POU2F2: variants seen among roughly 807,000 people sequenced by gnomAD.
POU2F2 encodes the protein POU domain, class 2, transcription factor 2.
A neutral mutation model predicts 63.5 loss-of-function variants in POU2F2; 14 were observed. That is an observed-to-expected ratio of 0.22 (90% confidence interval 0.15 to 0.34). The LOEUF is 0.34. POU2F2 is among the 10% of genes least tolerant of loss of function. The probability of loss-of-function intolerance (pLI) is 1.00; values close to 1 mark genes in which losing one functional copy is unlikely to be tolerated. For synonymous variants in POU2F2, 306 were observed against 348.6 expected (o/e 0.88, Z 1.36); for missense variants, 607 against 815.2 (o/e 0.74, Z 3.11).
At chr19:42,194,439 G>C (rs1187646858) in intron 1 of POU2F2, among the ~76,000 whole-genome samples, 2 of 150,596 alleles carry the variant, frequency 1.3e-5, no homozygotes, top group Admixed American at 1.3e-4. Flanking sequence ...AAGTGAGGGA[G>C]AGAGGAAGGA....
At chr19:42,105,926 GA>G (rs767349221) in intron 5 of POU2F2, among the ~76,000 whole-genome samples, 197 of 131,426 alleles carry the variant, frequency 1.5e-3, no homozygotes, top group Middle Eastern at 3.8e-3. Context: ...TTCAGCATCT[GA>G]AAAAAAAAAA....
At chr19:42,131,457 T>C (rs1404075444) in intron 1 of POU2F2, among the ~76,000 whole-genome samples, 1 of 152,092 alleles carries the variant, frequency 6.6e-6, no homozygotes, top group East Asian at 1.9e-4. Context: ...GAAACAGGCA[T>C]GAAGGGCTGA....
chr19:42,154,189 GA>G (rs963378931), intron 2 of POU2F2, among the ~76,000 whole-genome samples: 4 of 151,582 alleles, frequency 2.6e-5, no homozygotes, highest in African/African-American at 7.3e-5. Context: ...TTAGAAACAG[GA>G]AAAAAAGGGG....
chr19:42,140,651 T>G (rs2034109351), intron 2 of POU2F2, among the ~76,000 whole-genome samples: 1 of 152,238 alleles, frequency 6.6e-6, no homozygotes, highest in African/African-American at 2.4e-5. Context: ...TTCCCAGTTT[T>G]ATTTCCTTCA....
At chr19:42,185,550 C>T (rs141804516) in intron 1 of POU2F2, among the ~76,000 whole-genome samples, 1 of 152,336 alleles carries the variant, frequency 6.6e-6, no homozygotes, top group East Asian at 1.9e-4. Context: ...ACCACCACTT[C>T]CTTGAATCTG....
chr19:42,117,410 T>G lies in POU2F2; in HGVS notation c.209A>C (p.His70Pro). 15 of 1,387,186 alleles carry G rather than the reference T, an allele frequency of 1.1e-5. No individual in the cohort carries two copies. Among genetic ancestry groups the G allele is most frequent in the Non-Finnish European group, 1.4e-5 (14 of 1,011,020 alleles). The allele number at this position is 1,387,186 out of a possible 1,614,324, so 85.9% of individuals were successfully genotyped here. The change falls in exon 5 of 15, where the codon CAC (histidine) becomes CCC (proline). Residue 70 changes from histidine (H) to proline (P), a missense_variant. By Grantham distance (77) the His-to-Pro change is moderately conservative (BLOSUM62 -2). Transcript: ENST00000692977. The surrounding 1 kb of genome is among the most constrained non-coding windows in gnomAD (Gnocchi z 4.4). ...STKVGILSGL[H>P]LTFWGPGPCL... ...GGGTCCGGGACCCCAGAATGTTAAGTGGAGGCCAGAGAGAATGCCCACCTG... is the reference window on the plus strand; with the variant it reads ...GGGTCCGGGACCCCAGAATGTTAAGGGGAGGCCAGAGAGAATGCCCACCTG...
rs1038171347 is a variant in POU2F2, at chr19:42,095,219, G to A, written c.1197+67C>T. 1.3e-6 allele frequency: 2 copies of A among 1,517,966 alleles called. No homozygotes were observed. Among genetic ancestry groups the A allele is most frequent in the Admixed American group, 2.1e-5 (1 of 48,750 alleles). 94.0% of individuals were successfully genotyped at this position (1,517,966 alleles called of 1,614,324 possible). On this transcript the variant is annotated intron_variant, in intron 11 of 14. Coordinates refer to ENST00000692977, the MANE Select transcript of POU2F2 (RefSeq NM_001394376.1). The surrounding 1 kb of genome is among the most constrained non-coding windows in gnomAD (Gnocchi z 7.1). ...CTAGGCTCTGTGGACAACCAGGTAG[G>A]GTGGGCTTCACACAGGTGCCTGCGG...
chr19:42,182,935 G>A (rs1323382017), intron 1 of POU2F2, among the ~76,000 whole-genome samples: 2 of 152,132 alleles, frequency 1.3e-5, no homozygotes, highest in East Asian at 3.8e-4. Flanking sequence ...GCGGGGAATC[G>A]AAGACCAGGT....
intron 1 of POU2F2, among the ~76,000 whole-genome samples, chr19:42,191,108 T>C (rs1441000693): frequency 1.3e-5 from 2 of 150,854 alleles, no homozygotes; most frequent in South Asian, 2.1e-4. Flanking sequence ...GGTTGTAGGA[T>C]TGTAAGGGAA....
chr19:42,175,926 A>G (rs1388890377), intron 1 of POU2F2: 4 of 147,946 alleles, frequency 2.7e-5, no homozygotes, highest in Non-Finnish European at 6.0e-5. Flanking sequence ...CCTCATTCCC[A>G]CCACCCAGCC....
intron 1 of POU2F2, among the ~76,000 whole-genome samples, chr19:42,175,273 G>T (rs2034851466): frequency 6.6e-6 from 1 of 152,174 alleles, no homozygotes; most frequent in Admixed American, 6.5e-5. Context: ...AAAAAAGAGG[G>T]TAGAAATACA....
intron 4 of POU2F2, among the ~76,000 whole-genome samples, chr19:42,121,602 C>T (rs1376153796): frequency 2.0e-5 from 3 of 152,276 alleles, no homozygotes; most frequent in African/African-American, 4.8e-5. Flanking sequence ...TGCCTGCTAC[C>T]CCTGGACCAG....
intron 2 of POU2F2, chr19:42,157,479 T>G (rs1302837445): frequency 1.3e-5 from 2 of 152,218 alleles, no homozygotes; most frequent in Admixed American, 1.3e-4. Context: ...ACACAAGGAA[T>G]CCCAGAAAAT....
At chr19:42,125,161 C>A (rs1034271966) in intron 1 of POU2F2, among the ~76,000 whole-genome samples, 3 of 152,040 alleles carry the variant, frequency 2.0e-5, no homozygotes, top group Non-Finnish European at 4.4e-5. Flanking sequence ...AGTTTGAGAC[C>A]AGCCTGGGCA....
chr19:42,112,955 C>G (rs2031330751), intron 5 of POU2F2, among the ~76,000 whole-genome samples: 1 of 152,140 alleles, frequency 6.6e-6, no homozygotes, highest in African/African-American at 2.4e-5. Flanking sequence ...CCTGGAAGCC[C>G]CTTCCCAGCA....
At chr19:42,128,217 T>A (rs1230923829) in intron 1 of POU2F2, among the ~76,000 whole-genome samples, 1 of 152,048 alleles carries the variant, frequency 6.6e-6, no homozygotes, top group Non-Finnish European at 1.5e-5. Flanking sequence ...TTGGAATGAA[T>A]GAATGCATTA....
chr19:42,177,286 G>C (rs1158210314), upstream of POU2F2: 1 of 155,818 alleles, frequency 6.4e-6, no homozygotes, highest in Non-Finnish European at 1.4e-5. Flanking sequence ...CCCGCTCGCT[G>C]CCTGCTGCTG....
chr19:42,098,863 C>T (rs527533125), intron 7 of POU2F2, among the ~76,000 whole-genome samples: 8 of 152,304 alleles, frequency 5.3e-5, no homozygotes, highest in African/African-American at 1.7e-4. Flanking sequence ...AGAAAGGCCT[C>T]GGGGTCCAGG....
chr19:42,112,241 C>A (rs2031222058), intron 5 of POU2F2, among the ~76,000 whole-genome samples: 1 of 152,176 alleles, frequency 6.6e-6, no homozygotes, highest in South Asian at 2.1e-4. Flanking sequence ...TCAACTTATT[C>A]AAGCAACAGA....
Sources: allele counts gnomAD v4.1 joint callset (sites outside exome capture counted in the v4.1 genomes callset), GRCh38; gene constraint gnomAD v4.1.1; non-coding constraint Gnocchi (gnomAD v3.1); transcripts MANE v1.5; gene names NCBI Gene and HGNC (gene_info 2026-07-23, HGNC 2026-07-21).